Variants in ATP8B3 observed in about 807,000 individuals in gnomAD.
The protein encoded by ATP8B3 is ATPase phospholipid transporting 8B3, also known as phospholipid-transporting ATPase IK.
A neutral mutation model predicts 140.9 loss-of-function variants in ATP8B3; 141 were observed. That is an observed-to-expected ratio of 1.00 (90% confidence interval 0.87 to 1.15). The LOEUF (loss-of-function observed/expected upper bound fraction) is 1.15. Ranked by LOEUF, ATP8B3 falls within the 50% of genes most tolerant of loss-of-function variation. ATP8B3 has a pLI of 0.00. For synonymous variants in ATP8B3, 765 were observed against 714.6 expected, an observed-to-expected ratio of 1.07 and a Z score of -1.13; for missense variants, 1,874 against 1,740.6, an observed-to-expected ratio of 1.08 and a Z score of -1.36.
rs781517177 is a variant in ATP8B3, at chr19:1,785,699, C to T, written c.3163G>A (p.Ala1055Thr). Residue 1055 changes from alanine (A) to threonine (T), a missense_variant, in exon 26 of 29, where the codon GCA (alanine) becomes ACA (threonine). Ala to Thr is a moderately conservative substitution (Grantham distance 58). Coordinates refer to ENST00000310127, the MANE Select transcript of ATP8B3 (RefSeq NM_138813.4). ...YIGLFEQDVS[A>T]EQSLEKPELY... The stretch of plus-strand genomic sequence containing the variant: ...TCCGGCTTCTCCAGGCTCTGCTCTG[C>T]GCTCACGTCCTTGGGGCAAGCAGAA... The T allele has an allele frequency of 4.3e-5, 69 of 1,600,686 alleles. No individual in the cohort carries two copies. Among genetic ancestry groups the T allele is most frequent in the Admixed American group, 1.9e-4 (11 of 58,354 alleles).
chr19:1,795,917 G>A lies in ATP8B3; in HGVS notation c.2013C>T (p.His671=). ...TGGCAAATTCCATTGCCCCCCTCCT[G>A]TGCAAGCGTTCGAAGATGACCGTGT... ...GADTVIFERL[H]RRGAMEFATE... is the part of the protein sequence containing the mutation. The change falls in exon 18 of 29, where the codon CAC becomes CAT. Residue 671 remains histidine (H), a synonymous_variant. Transcript: ENST00000310127. 1 of 1,613,044 alleles carries A rather than the reference G, an allele frequency of 6.2e-7. No homozygotes were observed. Among genetic ancestry groups the A allele is most frequent in the Non-Finnish European group, 8.5e-7 (1 of 1,179,826 alleles).
chr19:1,810,661 C>G lies in ATP8B3; in HGVS notation c.271G>C (p.Gly91Arg), dbSNP rs528437239. Reference protein sequence around the residue: ...PEGPTSMGSLGQREDLQDEDR... With the variant: ...PEGPTSMGSLRQREDLQDEDR... ...TCATCTTGGAGATCTTCTCTCTGGC[C>G]GAGGCTGCCCATGCTGGTGGGGCTG... Residue 91 changes from glycine to arginine, a missense_variant, in exon 3 of 29, where the codon GGC (glycine) becomes CGC (arginine). Transcript: ENST00000310127. 6 of 1,612,798 alleles carry G rather than the reference C, an allele frequency of 3.7e-6. No homozygotes were observed. In the South Asian group the frequency reaches 4.4e-5, roughly 12 times the overall value.
Position 1,806,024 on chromosome 19 carries a change from TC to T in ATP8B3, c.751-67del. ...AGACAAATTGGGGGTGCGGCAGCCC[TC>T]CCCACCCTGGGAGGGGTGCTCTCGG... On this transcript the variant is annotated intron_variant, in intron 8 of 28. Coordinates refer to ENST00000310127, the MANE Select transcript of ATP8B3 (RefSeq NM_138813.4). This position sits in a 1 kb window ranked among gnomAD's most constrained non-coding sequence, Gnocchi z 5.6. 1 of 1,605,070 alleles carries T rather than the reference TC, an allele frequency of 6.2e-7. No individual in the cohort carries two copies.
At chr19:1,809,414 G>T (rs2069122134) in intron 4 of ATP8B3, among the ~76,000 whole-genome samples, 1 of 151,702 alleles carries the variant, frequency 6.6e-6, no homozygotes, top group South Asian at 2.1e-4. Context: ...CCCGGAGGTG[G>T]AGGTTGCAGT....
chr19:1,789,137 G>A lies in ATP8B3; in HGVS notation c.2846-17C>T, dbSNP rs1416611624. The A allele has an allele frequency of 6.5e-7, 1 of 1,550,154 alleles. No homozygotes were observed. Among genetic ancestry groups the A allele is most frequent in the South Asian group, 1.2e-5 (1 of 84,894 alleles). On this transcript the variant is annotated splice_polypyrimidine_tract_variant and intron_variant, in intron 23 of 28. Transcript: ENST00000310127. ...CGTCCGCGGCTGCAGGGCACAAGCA[G>A]CTGGTCAGCCCCCCGCACGCCCCCA...
Position 1,783,018 on chromosome 19 carries a change from TC to T in ATP8B3, c.*9del. The T allele has an allele frequency of 1.3e-6, 2 of 1,596,174 alleles. No homozygotes were observed. Among genetic ancestry groups the T allele is most frequent in the Non-Finnish European group, 1.7e-6 (2 of 1,171,966 alleles). On this transcript the variant is annotated 3_prime_UTR_variant, in exon 29 of 29. Coordinates refer to ENST00000310127, the MANE Select transcript of ATP8B3 (RefSeq NM_138813.4). ...TTCTTCTTCCCCAGGAAGGACATCT[TC>T]CTGAGGTGTCACTGTGACTCTTTTG...
intron 4 of ATP8B3, among the ~76,000 whole-genome samples, 197 bp from the exon 5 acceptor site, chr19:1,808,532 C>G (rs1043702967): frequency 6.7e-6 from 1 of 149,794 alleles, no homozygotes; most frequent in Non-Finnish European, 1.5e-5. Context: ...CCAGCATTTA[C>G]TGAGCACCTG....
In ATP8B3 at chr19:1,795,911, C is replaced by G. The variant is rs747616182; in HGVS notation, c.2019G>C (p.Arg673Ser). 10 of 1,613,124 alleles carry G rather than the reference C, an allele frequency of 6.2e-6. No individual in the cohort carries two copies. In the Admixed American group the frequency reaches 1.7e-4, roughly 27 times the overall value. Residue 673 changes from arginine to serine, a missense_variant, in exon 18 of 29, where the codon AGG (arginine) becomes AGC (serine). This residue lies in a region of ATP8B3 where 1,032 missense variants were observed against 963.6 expected (regional missense o/e 1.07). Coordinates refer to ENST00000310127, the MANE Select transcript of ATP8B3 (RefSeq NM_138813.4). ...CCTCTGTGGCAAATTCCATTGCCCC[C>G]CTCCTGTGCAAGCGTTCGAAGATGA... is the stretch of plus-strand genomic sequence containing the variant. ...DTVIFERLHR[R>S]GAMEFATEEA...
rs943824981 is a variant in ATP8B3, at chr19:1,800,085, C to T, written c.1414G>A (p.Asp472Asn). The part of the protein sequence containing the change: ...WDVQMYYKPQ[D>N]VPAKARSTSL... Reference sequence around the variant, plus strand: ...GTGCTGCGGGCCTTGGCAGGCACGTCCTGCGGCTTGTAGTACATCTGCACG... The same window carrying T: ...GTGCTGCGGGCCTTGGCAGGCACGTTCTGCGGCTTGTAGTACATCTGCACG... The change falls in exon 14 of 29, where the codon GAC (aspartate) becomes AAC (asparagine). Residue 472 changes from aspartate (D) to asparagine (N), a missense_variant. Physicochemically the swap from Asp to Asn is conservative, Grantham distance 23 (BLOSUM62 1). Transcript: ENST00000310127. This position sits in a 1 kb window ranked among gnomAD's most constrained non-coding sequence, Gnocchi z 4.4. 6 of 1,576,724 alleles carry T rather than the reference C, an allele frequency of 3.8e-6. No individual in the cohort carries two copies. The highest frequency in any genetic ancestry group is 5.2e-6 in the Non-Finnish European group (6 of 1,161,480).
At chr19:1,784,032 G>A (rs1400452811) in intron 28 of ATP8B3, among the ~76,000 whole-genome samples, 1 of 152,148 alleles carries the variant, frequency 6.6e-6, no homozygotes, top group African/African-American at 2.4e-5. Flanking sequence ...CATCCACGCT[G>A]TGGCCTGTGT....
At chr19:1,799,870 G>A (rs1040575091) in intron 14 of ATP8B3, 77 bp downstream of exon 14, 7 of 1,388,582 alleles carry the variant, frequency 5.0e-6, no homozygotes, top group East Asian at 5.0e-5. Flanking sequence ...GGGGCCAGAC[G>A]TGGCTCTGGT....
At chr19:1,790,204 C>T (rs1363190845) in intron 21 of ATP8B3, among the ~76,000 whole-genome samples, 1 of 99,400 alleles carries the variant, frequency 1.0e-5, no homozygotes, top group African/African-American at 4.1e-5. Flanking sequence ...CTGCCCCTCC[C>T]CCTTCCCTCT....
chr19:1,787,323 G>T, intron 24 of ATP8B3, 137 bp from the exon 25 acceptor site: 2 of 625,776 alleles, frequency 3.2e-6, no homozygotes, highest in Non-Finnish European at 5.7e-6. Context: ...TGGGACTGGG[G>T]TGGGGTGAAG....
Position 1,800,526 on chromosome 19 carries a change from A to G in ATP8B3, c.1153-77T>C. ...TGCCATCAGGATGGGGTAAACACAAAGATAAGGCTGGGGCTGGGCACAGTG... is the reference window on the plus strand; with the variant it reads ...TGCCATCAGGATGGGGTAAACACAAGGATAAGGCTGGGGCTGGGCACAGTG... On this transcript the variant is annotated intron_variant, in intron 12 of 28. Coordinates refer to ENST00000310127, the MANE Select transcript of ATP8B3 (RefSeq NM_138813.4). The surrounding 1 kb of genome is among the most constrained non-coding windows in gnomAD (Gnocchi z 4.4). 1.5e-6 allele frequency: 2 copies of G among 1,347,686 alleles called. No individual in the cohort carries two copies. Among genetic ancestry groups the G allele is most frequent in the Non-Finnish European group, 2.1e-6 (2 of 968,154 alleles). The allele number at this position is 1,347,686 out of a possible 1,614,324, so 83.5% of individuals were successfully genotyped here.
At position 1,782,678 on chromosome 19, in the gene ATP8B3, T is replaced by C; in HGVS notation, c.*350A>G. ...TGACTGGCTCCCCAGAGGCTGTGGC[T>C]GGCTCTCAAATGACGACAGCTGGCT... On this transcript the variant is annotated 3_prime_UTR_variant, in exon 29 of 29. Coordinates refer to ENST00000310127, the MANE Select transcript of ATP8B3 (RefSeq NM_138813.4). 1 of 294,302 alleles carries C rather than the reference T, an allele frequency of 3.4e-6. No individual in the cohort carries two copies. The highest frequency in any genetic ancestry group is 4.8e-5 in the Admixed American group (1 of 20,936). The allele number at this position is 294,302 out of a possible 1,614,324, so 18.2% of individuals were successfully genotyped here.
At position 1,811,547 on chromosome 19, in the gene ATP8B3, C is replaced by T. The variant is rs550539015; in HGVS notation, c.190G>A (p.Glu64Lys). Residue 64 changes from glutamate (E) to lysine (K), a missense_variant, in exon 2 of 29, where the codon GAG becomes AAG. Physicochemically the swap from Glu to Lys is moderately conservative, Grantham distance 56. Coordinates refer to ENST00000310127, the MANE Select transcript of ATP8B3 (RefSeq NM_138813.4). ...MGDSPGRGAP[E>K]RRHKAQPGRA... ...CCAGGCTGGGCCTTGTGCCTCCTCT[C>T]AGGTGCCCCTCTGCCTGGGGAGTCT... is the stretch of plus-strand genomic sequence containing the variant. The T allele has an allele frequency of 1.9e-6, 3 of 1,612,384 alleles. No individual in the cohort carries two copies. The highest frequency in any genetic ancestry group is 2.5e-6 in the Non-Finnish European group (3 of 1,179,748).
intron 10 of ATP8B3, among the ~76,000 whole-genome samples, chr19:1,804,932 C>T (rs996221918): frequency 3.9e-5 from 6 of 152,268 alleles, no homozygotes; most frequent in African/African-American, 9.6e-5. Context: ...AACAACCAAA[C>T]GTGACTGTGT....
At position 1,806,266 on chromosome 19, in the gene ATP8B3, G is replaced by A. The variant is rs970821463; in HGVS notation, c.678-97C>T. 7.9e-6 allele frequency: 12 copies of A among 1,523,772 alleles called. No individual in the cohort carries two copies. The South Asian group carries it at 9.8e-5, about 12-fold the overall frequency. 94.4% of individuals were successfully genotyped at this position (1,523,772 alleles called of 1,614,324 possible). A position where few individuals can be genotyped will look rare whatever the true frequency, so the allele number is the denominator to read the frequency against. Reference sequence around the variant, plus strand: ...ACGGGATGACGGGGGGCCCGCAGCTGCAGTCCCCACCTCCGGGCCTTTGCC... The same window carrying A: ...ACGGGATGACGGGGGGCCCGCAGCTACAGTCCCCACCTCCGGGCCTTTGCC... On this transcript the variant is annotated intron_variant, in intron 7 of 28. Transcript: ENST00000310127. This position sits in a 1 kb window ranked among gnomAD's most constrained non-coding sequence, Gnocchi z 5.6.
chr19:1,793,965 C>T (rs559821002), intron 18 of ATP8B3, among the ~76,000 whole-genome samples: 106 of 152,180 alleles, frequency 7.0e-4, no homozygotes, highest in African/African-American at 2.4e-3. Flanking sequence ...TGGCCTCGAA[C>T]TCCTGACCTC....
Sources: allele counts gnomAD v4.1 joint callset (sites outside exome capture counted in the v4.1 genomes callset), GRCh38; gene constraint gnomAD v4.1.1; regional missense constraint gnomAD v4.1.1; non-coding constraint Gnocchi (gnomAD v3.1); transcripts MANE v1.5; gene names NCBI Gene and HGNC (gene_info 2026-07-23, HGNC 2026-07-21).